The following COL26A1 variants were observed in gnomAD, a reference collection of about 807,000 sequenced individuals.
COL26A1 encodes the protein collagen type XXVI alpha 1 chain.
COL26A1 carries 41 observed loss-of-function variants against 59.3 expected under a neutral mutation model. The observed-to-expected ratio is 0.69, with a 90% confidence interval of 0.54 to 0.90. The LOEUF is 0.90. Among genes scored for constraint, COL26A1 ranks in the 40% least tolerant of loss-of-function variants. COL26A1 has a pLI of 0.00. For missense variants in COL26A1, 612 were observed against 602.3 expected, an observed-to-expected ratio of 1.02 and a Z score of -0.17; for synonymous variants, 266 against 256.0, an observed-to-expected ratio of 1.04 and a Z score of -0.37.
At chr7:101,400,354 T>C (rs1791965800) in intron 1 of COL26A1, among the ~76,000 whole-genome samples, 5 of 48,114 alleles carry the variant, frequency 1.0e-4, no homozygotes, top group African/African-American at 5.1e-4. Context: ...TTTTTTCCTA[T>C]TTTTTTTTTT....
At chr7:101,529,570 A>T (rs1795322296) in intron 3 of COL26A1, among the ~76,000 whole-genome samples, 1 of 152,070 alleles carries the variant, frequency 6.6e-6, no homozygotes, top group South Asian at 2.1e-4. Flanking sequence ...CATCACCCAA[A>T]TGTTGAACAC....
intron 3 of COL26A1, among the ~76,000 whole-genome samples, chr7:101,476,144 G>T (rs1214640112): frequency 2.8e-5 from 1 of 35,264 alleles, no homozygotes; most frequent in Non-Finnish European, 5.4e-5. Context: ...CCAGCTAATT[G>T]TGTGTGTGTG....
chr7:101,539,948 C>A lies in COL26A1; in HGVS notation c.503C>A (p.Ala168Asp). 6.2e-7 allele frequency: 1 copy of A among 1,613,594 alleles called. No individual in the cohort carries two copies. The highest frequency in any genetic ancestry group is 8.5e-7 in the Non-Finnish European group (1 of 1,179,826). ...TCCAGCCCGGACAACGACCTGCCAG[C>A]CCCCGAGAGCACTCCGCCGACCTGG... is the stretch of plus-strand genomic sequence containing the variant. ...RPSSPDNDLPAPESTPPTWNE... is the reference protein window; with the variant it reads ...RPSSPDNDLPDPESTPPTWNE... The change falls in exon 5 of 13, where the codon GCC (alanine) becomes GAC (aspartate). Residue 168 changes from alanine to aspartate, a missense_variant. Coordinates refer to ENST00000313669, the MANE Select transcript of COL26A1 (RefSeq NM_001278563.3).
chr7:101,367,435 T>G (rs1173247114), intron 1 of COL26A1, among the ~76,000 whole-genome samples: 1 of 152,014 alleles, frequency 6.6e-6, no homozygotes, highest in Non-Finnish European at 1.5e-5. Context: ...GAGGCCCAGG[T>G]GGGTGGATCA....
intron 3 of COL26A1, among the ~76,000 whole-genome samples, chr7:101,479,322 T>G (rs1794110454): frequency 6.6e-6 from 1 of 152,240 alleles, no homozygotes; most frequent in Non-Finnish European, 1.5e-5. Context: ...TACATCCAAA[T>G]TTAAGCCTCT....
chr7:101,500,994 C>T (rs1171391876), intron 3 of COL26A1, among the ~76,000 whole-genome samples: 2 of 151,116 alleles, frequency 1.3e-5, no homozygotes, highest in African/African-American at 2.4e-5. Context: ...CCAGCCTGGC[C>T]AACACGGTGA....
Position 101,557,455 on chromosome 7 carries a change from C to T in COL26A1, c.1251C>T (p.Pro417=), listed in dbSNP as rs1300390944. Residue 417 remains proline (P), a synonymous_variant, in exon 13 of 13, where the codon CCC becomes CCT. Coordinates refer to ENST00000313669, the MANE Select transcript of COL26A1 (RefSeq NM_001278563.3). Reference sequence around the variant, plus strand: ...AGATGAAGAGGGGTGGCGCCCAACCCGATGGGGTCCTTGCTGCCCTGCTTG... The same window carrying T: ...AGATGAAGAGGGGTGGCGCCCAACCTGATGGGGTCCTTGCTGCCCTGCTTG... ...NLKMKRGGAQ[P]DGVLAALLGP... 6 of 1,613,720 alleles carry T rather than the reference C, an allele frequency of 3.7e-6. No individual in the cohort carries two copies. The highest frequency in any genetic ancestry group is 2.7e-5 in the African/African-American group (2 of 75,038).
At chr7:101,485,671 C>T (rs563802810) in intron 3 of COL26A1, among the ~76,000 whole-genome samples, 1 of 152,280 alleles carries the variant, frequency 6.6e-6, no homozygotes, top group South Asian at 2.1e-4. Flanking sequence ...AGGGTCTGGC[C>T]CTGAAGAGCC....
chr7:101,431,094 G>A (rs1414428681), intron 2 of COL26A1, among the ~76,000 whole-genome samples: 5 of 151,972 alleles, frequency 3.3e-5, no homozygotes, highest in Non-Finnish European at 5.9e-5. Context: ...GAGTCACTGC[G>A]CCCAGCCTGT....
At position 101,362,981 on chromosome 7, in the gene COL26A1, C is replaced by T. The variant is rs1393376452; in HGVS notation, c.-52C>T. On this transcript the variant is annotated 5_prime_UTR_variant, in exon 1 of 13. Coordinates refer to ENST00000313669, the MANE Select transcript of COL26A1 (RefSeq NM_001278563.3). The stretch of plus-strand genomic sequence containing the variant: ...GGTTCGGTCCGGGCGCCGGTGCGCT[C>T]CTGCCGGTCCTCGTGCCCGGGACTC... The T allele has an allele frequency of 3.9e-6, 6 of 1,524,490 alleles. No individual in the cohort carries two copies. Among genetic ancestry groups the T allele is most frequent in the Admixed American group, 2.0e-5 (1 of 51,084 alleles). The allele number at this position is 1,524,490 out of a possible 1,614,324, so 94.4% of individuals were successfully genotyped here. A position where few individuals can be genotyped will look rare whatever the true frequency, so the allele number is the denominator to read the frequency against.
rs114172949 is a variant in COL26A1 at position 101,519,726 on chromosome 7, T to A, written c.386-13356T>A. On this transcript the variant is annotated intron_variant, in intron 3 of 12. Transcript: ENST00000313669. ...GGCAGGGACCACCTGGACACTCTTTTAAAGCCCGTTCAACCTCGTCATTCT... is the reference window on the plus strand; with the variant it reads ...GGCAGGGACCACCTGGACACTCTTTAAAAGCCCGTTCAACCTCGTCATTCT... Among the ~76,000 whole-genome samples the A allele has an allele frequency of 8.6e-3, 1,310 of 152,272 alleles. 17 individuals carry two copies. The highest frequency in any genetic ancestry group is 0.03 in the African/African-American group (1,267 of 41,562).
intron 1 of COL26A1, among the ~76,000 whole-genome samples, chr7:101,378,249 G>A (rs1791364788): frequency 6.6e-6 from 1 of 152,086 alleles, no homozygotes; most frequent in African/African-American, 2.4e-5. Context: ...GTGTGGTGGT[G>A]CATGGCTGTA....
At chr7:101,425,738 C>T (rs1293746108) in intron 2 of COL26A1, among the ~76,000 whole-genome samples, 1 of 151,172 alleles carries the variant, frequency 6.6e-6, no homozygotes, top group Non-Finnish European at 1.5e-5. Context: ...CCTGAACTAC[C>T]TCAAATGATC....
intron 1 of COL26A1, among the ~76,000 whole-genome samples, chr7:101,367,185 G>C: frequency 6.6e-6 from 1 of 152,166 alleles, no homozygotes; most frequent in Non-Finnish European, 1.5e-5. Flanking sequence ...ATTCTTCATA[G>C]GTGGTCTAGT....
intron 3 of COL26A1, among the ~76,000 whole-genome samples, chr7:101,489,641 CTTTCTTTCTTTCTTTCTTT>C (rs1794346589): frequency 4.2e-5 from 3 of 70,686 alleles, no homozygotes; most frequent in African/African-American, 1.3e-4. Flanking sequence ...TTCTTTCTTT[CTTTCTTTCTTTCTTTCTTT>C]CTTCCTTCCT....
intron 1 of COL26A1, among the ~76,000 whole-genome samples, chr7:101,398,507 G>A (rs182494092): frequency 2.6e-5 from 4 of 152,180 alleles, no homozygotes; most frequent in Admixed American, 6.5e-5. Context: ...ACTTTCCCTC[G>A]CCCCAAGTCA....
chr7:101,527,063 C>T (rs923561634), intron 3 of COL26A1, among the ~76,000 whole-genome samples: 3 of 152,150 alleles, frequency 2.0e-5, no homozygotes, highest in South Asian at 4.1e-4. Context: ...CTCCACCTCC[C>T]AGGCTCAAGC....
At chr7:101,426,092 T>A (rs1014975393) in intron 2 of COL26A1, among the ~76,000 whole-genome samples, 2 of 152,082 alleles carry the variant, frequency 1.3e-5, no homozygotes, top group Admixed American at 1.3e-4. Context: ...CTCAAAGTGT[T>A]GAGATTACAG....
At chr7:101,515,820 C>A (rs1795017150) in intron 3 of COL26A1, among the ~76,000 whole-genome samples, 1 of 151,030 alleles carries the variant, frequency 6.6e-6, no homozygotes, top group African/African-American at 2.4e-5. Context: ...AACTTCTGGC[C>A]TCCAGTGATC....
Sources: allele counts gnomAD v4.1 joint callset (sites outside exome capture counted in the v4.1 genomes callset), GRCh38; gene constraint gnomAD v4.1.1; transcripts MANE v1.5; gene names NCBI Gene and HGNC (gene_info 2026-07-23, HGNC 2026-07-21).